The following PRKN variants were observed in gnomAD, a reference collection of about 807,000 sequenced individuals.
PRKN encodes the protein parkin RBR E3 ubiquitin protein ligase, also known as E3 ubiquitin-protein ligase parkin.
In PRKN, 56 loss-of-function variants were observed where a neutral mutation model predicts 59.5. The observed-to-expected ratio is 0.94, with a 90% confidence interval of 0.76 to 1.18. PRKN has a LOEUF of 1.18. Ranked by LOEUF, PRKN falls within the 50% of genes most tolerant of loss-of-function variation. PRKN has a pLI of 0.00. For missense variants in PRKN, 657 were observed against 596.4 expected (o/e 1.10, Z -1.06); for synonymous variants, 250 against 222.1 (o/e 1.13, Z -1.12).
chr6:161,605,514 C>CT (rs71704943), intron 7 of PRKN, among the ~76,000 whole-genome samples: 416 of 142,684 alleles, frequency 2.9e-3, no homozygotes, highest in Middle Eastern at 0.011. Context: ...TGCCCTCTCT[C>CT]TTTTTTTTTT....
chr6:162,234,757 G>C (rs1778575083), intron 3 of PRKN, among the ~76,000 whole-genome samples: 1 of 152,198 alleles, frequency 6.6e-6, no homozygotes, highest in South Asian at 2.1e-4. Flanking sequence ...GCAGAACCAA[G>C]AATAGAGGGC....
chr6:162,463,813 A>G (rs1344053104), intron 1 of PRKN, among the ~76,000 whole-genome samples: 1 of 152,154 alleles, frequency 6.6e-6, no homozygotes, highest in Non-Finnish European at 1.5e-5. Context: ...CATCCATGAA[A>G]CTGTGAGCAG....
chr6:162,414,583 T>C (rs191995869), intron 2 of PRKN, among the ~76,000 whole-genome samples: 14 of 150,648 alleles, frequency 9.3e-5, no homozygotes, highest in Admixed American at 2.6e-4. Flanking sequence ...TGGTTGGTGG[T>C]GCCTGTAGTC....
chr6:162,015,853 T>C (rs1390819711), intron 5 of PRKN, among the ~76,000 whole-genome samples: 2 of 152,176 alleles, frequency 1.3e-5, no homozygotes, highest in Admixed American at 6.5e-5. Context: ...AAATGACATA[T>C]TCATGGAAAG....
intron 2 of PRKN, among the ~76,000 whole-genome samples, chr6:162,296,315 A>G (rs927588724): frequency 3.7e-4 from 54 of 146,084 alleles, no homozygotes; most frequent in African/African-American, 1.4e-3. Context: ...ACAAGCCCAC[A>G]CTCTCCAGGA....
intron 6 of PRKN, among the ~76,000 whole-genome samples, chr6:161,955,586 C>T (rs557827996): frequency 1.1e-3 from 172 of 152,336 alleles, no homozygotes; most frequent in African/African-American, 4.0e-3. Context: ...CACAGTGGCT[C>T]ACGCCTGTGA....
intron 9 of PRKN, among the ~76,000 whole-genome samples, chr6:161,392,813 AT>A (rs1462882860): frequency 6.6e-6 from 1 of 152,046 alleles, no homozygotes; most frequent in Non-Finnish European, 1.5e-5. Context: ...CAATAAGCCA[AT>A]TTTTTTCTAT....
chr6:161,492,502 T>C (rs900358696), intron 9 of PRKN, among the ~76,000 whole-genome samples: 10 of 152,250 alleles, frequency 6.6e-5, no homozygotes, highest in Non-Finnish European at 1.5e-4. Context: ...TAATGCTGTT[T>C]TGGGCTGAAG....
intron 1 of PRKN, among the ~76,000 whole-genome samples, chr6:162,615,447 A>ATT (rs5881481): frequency 1.2e-4 from 18 of 151,334 alleles, no homozygotes; most frequent in Non-Finnish European, 2.4e-4. Context: ...CATGAGATGG[A>ATT]TTTTTTTTTT....
intron 9 of PRKN, among the ~76,000 whole-genome samples, chr6:161,521,171 T>C (rs936351639): frequency 6.6e-6 from 1 of 151,982 alleles, no homozygotes; most frequent in Non-Finnish European, 1.5e-5. Context: ...TAGGTTGGGT[T>C]GATGAAGCAG....
At chr6:161,947,078 A>G (rs1268339642) in intron 6 of PRKN, among the ~76,000 whole-genome samples, 1 of 152,182 alleles carries the variant, frequency 6.6e-6, no homozygotes, top group Non-Finnish European at 1.5e-5. Context: ...TGATGTCTGC[A>G]AGTGCTTATA....
chr6:162,191,938 C>G (rs943976878), intron 4 of PRKN, among the ~76,000 whole-genome samples: 1 of 152,130 alleles, frequency 6.6e-6, no homozygotes, highest in African/African-American at 2.4e-5. Context: ...AGTGCCTGAT[C>G]CCTGCCAGGA....
At chr6:161,946,110 A>T (rs1296449021) in intron 6 of PRKN, among the ~76,000 whole-genome samples, 5 of 152,016 alleles carry the variant, frequency 3.3e-5, no homozygotes, top group Admixed American at 1.3e-4. Flanking sequence ...TGAGTAGAAA[A>T]TTTTTTCCTA....
chr6:162,460,366 T>A (rs1791094668), intron 1 of PRKN, among the ~76,000 whole-genome samples: 1 of 152,172 alleles, frequency 6.6e-6, no homozygotes. Context: ...TGGTGGACAG[T>A]GTTTGGGGAG....
intron 7 of PRKN, among the ~76,000 whole-genome samples, chr6:161,685,250 G>A (rs527509344): frequency 9.9e-5 from 15 of 152,254 alleles, no homozygotes; most frequent in African/African-American, 3.6e-4. Flanking sequence ...AGAAAGGATT[G>A]TGCAAATTCT....
At chr6:161,609,660 C>T (rs990258224) in intron 7 of PRKN, among the ~76,000 whole-genome samples, 3 of 152,240 alleles carry the variant, frequency 2.0e-5, no homozygotes, top group African/African-American at 7.2e-5. Context: ...CCTTTAAGAA[C>T]CTGTTTTTCC....
At chr6:162,003,836 A>T (rs1288042272) in intron 5 of PRKN, among the ~76,000 whole-genome samples, 1 of 152,174 alleles carries the variant, frequency 6.6e-6, no homozygotes, top group Admixed American at 6.6e-5. Flanking sequence ...TTGGTAATAC[A>T]GTTTAAATCT....
At chr6:162,642,364 T>C (rs1436587050) in intron 1 of PRKN, among the ~76,000 whole-genome samples, 4 of 152,342 alleles carry the variant, frequency 2.6e-5, no homozygotes, top group African/African-American at 9.6e-5. Context: ...TTAGTTCTTA[T>C]AATGTTCTAT....
Position 161,483,565 on chromosome 6 carries a change from A to G in PRKN, c.1083+65289T>C, listed in dbSNP as rs181464956. ...CCTCCACAGAATTCACTAAACTTCA[A>G]TAAGCTACAATTCTATCCTTACCTC... On this transcript the variant is annotated intron_variant, in intron 9 of 11. Transcript: ENST00000366898. The surrounding 1 kb of genome is among the most constrained non-coding windows in gnomAD (Gnocchi z 5.0). Among the ~76,000 whole-genome samples the G allele has an allele frequency of 3.3e-5, 5 of 152,322 alleles. No homozygotes were observed. The highest frequency in any genetic ancestry group is 2.6e-4 in the Admixed American group (4 of 15,302).
Sources: gnomAD v4.1 joint callset for allele counts (sites outside exome capture counted in the v4.1 genomes callset) on GRCh38, gnomAD v4.1.1 for gene constraint, Gnocchi (gnomAD v3.1) non-coding constraint, MANE v1.5 for transcripts, NCBI Gene and HGNC (gene_info 2026-07-23, HGNC 2026-07-21) for gene names.